Variants in HIF1A observed in about 807,000 individuals in gnomAD.
The protein encoded by HIF1A is hypoxia-inducible factor 1-alpha.
HIF1A carries 24 observed loss-of-function variants against 92.7 expected under a neutral mutation model. The observed-to-expected ratio is 0.26, with a 90% CI of 0.19 to 0.36. HIF1A has a LOEUF of 0.36. Ranked by LOEUF, HIF1A falls within the 10% of genes least tolerant of loss-of-function variation. HIF1A has a pLI of 1.00. For synonymous variants in HIF1A, 319 were observed against 338.7 expected, an observed-to-expected ratio of 0.94 and a Z score of 0.64; for missense variants, 799 against 998.5, an observed-to-expected ratio of 0.80 and a Z score of 2.69.
At chr14:61,705,339 C>CT (rs1006256643) in intron 1 of HIF1A, among the ~76,000 whole-genome samples, 3 of 152,090 alleles carry the variant, frequency 2.0e-5, no homozygotes, top group African/African-American at 7.2e-5. Context: ...TATGCCTTTT[C>CT]TTTTTTTACA....
Position 61,744,786 on chromosome 14 carries a change from T to C in HIF1A, c.2175T>C (p.Asp725=). 3.8e-6 allele frequency: 6 copies of C among 1,587,256 alleles called. No individual in the cohort carries two copies. The highest frequency in any genetic ancestry group is 5.2e-6 in the Non-Finnish European group (6 of 1,159,208). The stretch of plus-strand genomic sequence containing the variant: ...AGAGAAAGCGAAAAATGGAACATGA[T>C]GGTTCACTTTTTCAAGCAGTAGGAA... ...NAQRKRKMEH[D]GSLFQAVGIG... Residue 725 remains aspartate (D), a synonymous_variant, in exon 13 of 15, where the codon GAT becomes GAC. Transcript: ENST00000337138.
At chr14:61,709,454 G>A (rs2044281960) in intron 1 of HIF1A, among the ~76,000 whole-genome samples, 1 of 152,076 alleles carries the variant, frequency 6.6e-6, no homozygotes, top group African/African-American at 2.4e-5. Flanking sequence ...TTTTCAGAAG[G>A]AACCCTCCAA....
chr14:61,738,475 C>A, intron 10 of HIF1A, 102 bp downstream of exon 10: 1 of 1,057,024 alleles, frequency 9.5e-7, no homozygotes, highest in Non-Finnish European at 1.4e-6. Flanking sequence ...CCACAAATTA[C>A]ATTTGTGTGT....
At chr14:61,717,852 C>T (rs772618344) in intron 1 of HIF1A, among the ~76,000 whole-genome samples, 9 of 130,686 alleles carry the variant, frequency 6.9e-5, no homozygotes, top group African/African-American at 1.1e-4. Context: ...TGAAACCTGT[C>T]TGTACTAAAA....
chr14:61,739,090 G>C (rs2044675124), intron 10 of HIF1A, among the ~76,000 whole-genome samples: 1 of 152,110 alleles, frequency 6.6e-6, no homozygotes, highest in Admixed American at 6.5e-5. Context: ...GGTAGCAATA[G>C]ACTTACGAGG....
Position 61,745,771 on chromosome 14 carries a change from T to C in HIF1A, c.2283T>C (p.Ser761=), listed in dbSNP as rs1361642879. Residue 761 remains serine (S), a synonymous_variant, in exon 14 of 15, where the codon AGT becomes AGC. Transcript: ENST00000337138. ...AACGTGTAAAAGGATGCAAATCTAG[T>C]GAACAGAATGGAATGGAGCAAAAGA... ...SWKRVKGCKS[S]EQNGMEQKTI... 1 of 1,612,494 alleles carries C rather than the reference T, an allele frequency of 6.2e-7. No individual in the cohort carries two copies. Among genetic ancestry groups the C allele is most frequent in the African/African-American group, 1.3e-5 (1 of 74,996 alleles).
chr14:61,748,062 A>G lies in HIF1A; in HGVS notation c.*977A>G, dbSNP rs1408971422. The stretch of plus-strand genomic sequence containing the variant: ...TTTTATGCACTTTGTCGCTATTAAC[A>G]TCCTTTTTTTCATGTAGATTTCAAT... On this transcript the variant is annotated 3_prime_UTR_variant, in exon 15 of 15. Transcript: ENST00000337138. 6.6e-6 allele frequency: 1 copy of G among 152,510 alleles called. No homozygotes were observed. The highest frequency in any genetic ancestry group is 1.9e-4 in the East Asian group (1 of 5,200). 9.4% of individuals were successfully genotyped at this position (152,510 alleles called of 1,614,324 possible).
intron 12 of HIF1A, among the ~76,000 whole-genome samples, chr14:61,744,060 G>A (rs978966061): frequency 1.3e-5 from 2 of 152,138 alleles, no homozygotes; most frequent in Non-Finnish European, 2.9e-5. Context: ...AATGCTATAC[G>A]AATGTGAGAT....
intron 8 of HIF1A, among the ~76,000 whole-genome samples, chr14:61,735,067 C>G (rs1047821678): frequency 6.6e-6 from 1 of 152,126 alleles, no homozygotes; most frequent in African/African-American, 2.4e-5. Context: ...AGACTCCTGC[C>G]CCATCTAGTC....
chr14:61,722,900 T>TAAAC (rs1555338282), intron 4 of HIF1A, among the ~76,000 whole-genome samples: 1 of 152,242 alleles, frequency 6.6e-6, no homozygotes, highest in Non-Finnish European at 1.5e-5. Flanking sequence ...TTTATCTTGT[T>TAAAC]AAACAGTGTA....
intron 5 of HIF1A, 37 bp downstream of exon 5, chr14:61,726,855 A>G (rs761257813): frequency 8.8e-7 from 1 of 1,138,326 alleles, no homozygotes; most frequent in South Asian, 1.4e-5. Context: ...TATACACTTT[A>G]TTTATACATA....
At chr14:61,741,834 A>G (rs1223776333) in intron 12 of HIF1A, among the ~76,000 whole-genome samples, 1 of 152,150 alleles carries the variant, frequency 6.6e-6, no homozygotes, top group African/African-American at 2.4e-5. Context: ...TACCCTCACT[A>G]CTTAGATGCT....
At position 61,736,965 on chromosome 14, in the gene HIF1A, A is replaced by G; in HGVS notation, c.1105A>G (p.Met369Val). The stretch of plus-strand genomic sequence containing the variant: ...CCTTAAACCGGTTGAATCTTCAGAT[A>G]TGAAAATGACTCAGCTATTCACCAA... ...CVLKPVESSDMKMTQLFTKVE... is the reference protein window; with the variant it reads ...CVLKPVESSDVKMTQLFTKVE... The change falls in exon 9 of 15, where the codon ATG becomes GTG. Residue 369 changes from methionine to valine, a missense_variant. By Grantham distance (21) the Met-to-Val change is conservative. Transcript: ENST00000337138. 6.2e-7 allele frequency: 1 copy of G among 1,614,134 alleles called. No homozygotes were observed. Among genetic ancestry groups the G allele is most frequent in the Non-Finnish European group, 8.5e-7 (1 of 1,179,938 alleles).
intron 1 of HIF1A, among the ~76,000 whole-genome samples, chr14:61,719,866 G>A (rs1389618779): frequency 2.0e-5 from 3 of 152,174 alleles, no homozygotes; most frequent in African/African-American, 7.2e-5. Flanking sequence ...TGTTATTCAT[G>A]TGGTAAAAGG....
chr14:61,711,367 G>T (rs572113801), intron 1 of HIF1A, among the ~76,000 whole-genome samples: 17 of 152,052 alleles, frequency 1.1e-4, no homozygotes, highest in African/African-American at 3.9e-4. Flanking sequence ...ATTACACTCG[G>T]CTAGTAATTT....
chr14:61,724,349 T>TTCTCTCTCTCTC (rs147642291), intron 4 of HIF1A, among the ~76,000 whole-genome samples: 8,859 of 95,976 alleles, frequency 0.092, 1,068 homozygotes, highest in Non-Finnish European at 0.13. Flanking sequence ...CACACACACA[T>TTCTCTCTCTCTC]TCTCTCTCTC....
chr14:61,702,168 C>T (rs1439140947), intron 1 of HIF1A, among the ~76,000 whole-genome samples: 1 of 150,280 alleles, frequency 6.7e-6, no homozygotes, highest in Admixed American at 6.7e-5. Flanking sequence ...TGGCTCCTGC[C>T]TGTAATCCCA....
chr14:61,722,858 C>G (rs150062590), intron 4 of HIF1A, among the ~76,000 whole-genome samples: 62 of 152,280 alleles, frequency 4.1e-4, no homozygotes, highest in African/African-American at 1.4e-3. Context: ...GAAACTACCT[C>G]TTGAATTAAA....
intron 1 of HIF1A, among the ~76,000 whole-genome samples, chr14:61,718,783 TCTTC>T (rs936463752): frequency 2.0e-5 from 3 of 152,198 alleles, no homozygotes; most frequent in African/African-American, 7.2e-5. Flanking sequence ...GATAATAGTT[TCTTC>T]CTTTTTTTCC....
Sources: allele counts gnomAD v4.1 joint callset (sites outside exome capture counted in the v4.1 genomes callset), GRCh38; gene constraint gnomAD v4.1.1; transcripts MANE v1.5; gene names NCBI Gene and HGNC (gene_info 2026-07-23, HGNC 2026-07-21).